The following GABRB3 variants were observed in gnomAD, a reference collection of about 807,000 sequenced individuals.
GABRB3 encodes the protein gamma-aminobutyric acid receptor subunit beta-3.
GABRB3 carries 14 observed loss-of-function variants against 52.1 expected under a neutral mutation model. The observed-to-expected ratio is 0.27, with a 90% CI of 0.18 to 0.42. GABRB3 has a LOEUF of 0.42. Among genes scored for constraint, GABRB3 ranks in the 10% least tolerant of loss-of-function variants. The pLI is 1.00. For missense variants in GABRB3, 307 were observed against 609.1 expected (o/e 0.50, Z 5.22); for synonymous variants, 260 against 232.3 (o/e 1.12, Z -1.08).
At position 26,554,207 on chromosome 15, in the gene GABRB3, A is replaced by ATATATATATATATATATTTATT. The variant is rs1348288306; in HGVS notation, c.1081-6074_1081-6073insAATAAATATATATATATATATA. ...ATATATATACTATATATATATATAT[A>ATATATATATATATATATTTATT]TAGTAGAAACAAGGTCTCTCTTTGT... On this transcript the variant is annotated intron_variant, in intron 8 of 8. Coordinates refer to ENST00000311550, the MANE Select transcript of GABRB3 (RefSeq NM_000814.6). Among the ~76,000 whole-genome samples, 175 of 57,802 alleles carry ATATATATATATATATATTTATT rather than the reference A, an allele frequency of 3.0e-3. 28 individuals carry two copies. The highest frequency in any genetic ancestry group is 6.1e-3 in the Non-Finnish European group (146 of 24,120). The allele number at this position is 57,802 out of a possible 152,430, so 37.9% of individuals were successfully genotyped here.
At chr15:26,576,154 T>C (rs551290892) in intron 6 of GABRB3, among the ~76,000 whole-genome samples, 22 of 152,352 alleles carry the variant, frequency 1.4e-4, no homozygotes, top group African/African-American at 5.3e-4. Flanking sequence ...TTGAAATAAA[T>C]TTAATTCAGT....
At position 26,547,271 on chromosome 15, in the gene GABRB3, G is replaced by C. The variant is rs1889287175; in HGVS notation, c.*522C>G. On this transcript the variant is annotated 3_prime_UTR_variant, in exon 9 of 9. Coordinates refer to ENST00000311550, the MANE Select transcript of GABRB3 (RefSeq NM_000814.6). ...AGCCTTTGCTTACTAAACTGAACGAGAGGATATGAAGTAAGTGACTCATTT... is the reference window on the plus strand; with the variant it reads ...AGCCTTTGCTTACTAAACTGAACGACAGGATATGAAGTAAGTGACTCATTT... 1 of 361,058 alleles carries C rather than the reference G, an allele frequency of 2.8e-6. No homozygotes were observed. The highest frequency in any genetic ancestry group is 2.1e-5 in the African/African-American group (1 of 47,740). 22.4% of individuals were successfully genotyped at this position (361,058 alleles called of 1,614,324 possible).
At chr15:26,735,627 A>G (rs770233885) in intron 3 of GABRB3, among the ~76,000 whole-genome samples, 34 of 152,318 alleles carry the variant, frequency 2.2e-4, no homozygotes, top group Non-Finnish European at 3.2e-4. Context: ...CAATGTGGAT[A>G]AACCTTGAGG....
intron 3 of GABRB3, chr15:26,629,019 T>C: frequency 6.5e-7 from 1 of 1,535,832 alleles, no homozygotes; most frequent in Non-Finnish European, 8.7e-7. Context: ...CACGAGGGAG[T>C]CTCCCGGTAT....
chr15:26,684,528 G>GT (rs540054450), intron 3 of GABRB3, among the ~76,000 whole-genome samples: 74 of 152,300 alleles, frequency 4.9e-4, no homozygotes, highest in Admixed American at 1.3e-3. Context: ...CTTTCGGCCT[G>GT]TTTTGGCTTT....
Position 26,623,790 on chromosome 15 carries a change from T to C in GABRB3, c.241-2256A>G, listed in dbSNP as rs181690436. 6.6e-4 allele frequency among the ~76,000 whole-genome samples: 101 copies of C among 152,128 alleles called. No individual in the cohort carries two copies. The East Asian group carries it at 0.019, about 29-fold the overall frequency. ...CAATTCTGAGCCTGCACACCCCGTG[T>C]CACCCATTCCTTCCCAGCAACCACA... On this transcript the variant is annotated intron_variant, in intron 3 of 8. Coordinates refer to ENST00000311550, the MANE Select transcript of GABRB3 (RefSeq NM_000814.6).
At chr15:26,720,696 T>G (rs1889620332) in intron 3 of GABRB3, among the ~76,000 whole-genome samples, 1 of 152,154 alleles carries the variant, frequency 6.6e-6, no homozygotes, top group African/African-American at 2.4e-5. Flanking sequence ...TATACATGTA[T>G]AGGGCCTTCA....
At chr15:26,688,213 A>G (rs779646915) in intron 3 of GABRB3, among the ~76,000 whole-genome samples, 2 of 152,186 alleles carry the variant, frequency 1.3e-5, no homozygotes, top group Non-Finnish European at 2.9e-5. Context: ...TGGATGGACG[A>G]CTGTGCTGGG....
chr15:26,728,560 T>C (rs1800685438), intron 3 of GABRB3, among the ~76,000 whole-genome samples: 1 of 152,152 alleles, frequency 6.6e-6, no homozygotes, highest in Non-Finnish European at 1.5e-5. Flanking sequence ...GAAAATACCA[T>C]GGATATGGTG....
chr15:26,632,773 T>C (rs1892946135), intron 3 of GABRB3, among the ~76,000 whole-genome samples: 1 of 152,230 alleles, frequency 6.6e-6, no homozygotes, highest in Non-Finnish European at 1.5e-5. Flanking sequence ...TTCTGAGCCT[T>C]AGCAACCTCT....
chr15:26,768,169 A>G (rs1891047514), intron 3 of GABRB3, among the ~76,000 whole-genome samples: 1 of 152,178 alleles, frequency 6.6e-6, no homozygotes. Context: ...AAAAAACAAT[A>G]ATTTATTATT....
chr15:26,567,756 T>G (rs778704767), intron 6 of GABRB3, 23 bp from the exon 7 acceptor site: 9 of 1,612,260 alleles, frequency 5.6e-6, no homozygotes, highest in African/African-American at 1.3e-5. Flanking sequence ...GACAAGGATA[T>G]TACACTGGAG....
intron 3 of GABRB3, among the ~76,000 whole-genome samples, chr15:26,735,427 A>G (rs1331111278): frequency 1.3e-5 from 2 of 152,084 alleles, no homozygotes; most frequent in Admixed American, 1.3e-4. Flanking sequence ...ATCCCACCCA[A>G]AAGAATCGGA....
chr15:26,697,968 T>C (rs1888798104), intron 3 of GABRB3, among the ~76,000 whole-genome samples: 1 of 152,246 alleles, frequency 6.6e-6, no homozygotes, highest in South Asian at 2.1e-4. Flanking sequence ...AGAACTCATC[T>C]GGCATTTCAA....
chr15:26,554,168 TATATAAA>T (rs1889638679), intron 8 of GABRB3, among the ~76,000 whole-genome samples: 3 of 25,058 alleles, frequency 1.2e-4, no homozygotes, highest in African/African-American at 4.9e-4. Context: ...AAAGTATATA[TATATAAA>T]GTATATATAT....
intron 3 of GABRB3, among the ~76,000 whole-genome samples, chr15:26,690,246 T>G (rs912461418): frequency 2.6e-5 from 4 of 151,918 alleles, no homozygotes; most frequent in African/African-American, 9.7e-5. Context: ...CCTAGCTATT[T>G]TTTTAAACTT....
intron 4 of GABRB3, among the ~76,000 whole-genome samples, chr15:26,589,945 A>C (rs1382875735): frequency 6.6e-6 from 1 of 152,182 alleles, no homozygotes; most frequent in Non-Finnish European, 1.5e-5. Flanking sequence ...CCCAAATGTA[A>C]GAGTCAGCGG....
chr15:26,607,598 CA>C (rs1290437024), intron 4 of GABRB3, among the ~76,000 whole-genome samples: 1 of 149,076 alleles, frequency 6.7e-6, no homozygotes, highest in East Asian at 1.9e-4. Flanking sequence ...ACAAACAAAA[CA>C]AAACAAAACA....
rs572621586 is a variant in GABRB3, at chr15:26,718,294, C to T, written c.240+54108G>A. Among the ~76,000 whole-genome samples, 39 of 152,234 alleles carry T rather than the reference C, an allele frequency of 2.6e-4. 2 individuals are homozygous for T. The South Asian group carries it at 7.9e-3, about 31-fold the overall frequency. ...CACGATCTCGGCTCACCGCAACCTC[C>T]GCCTCCCAGGTTCAAGTGATTCTCC... On this transcript the variant is annotated intron_variant, in intron 3 of 8. Transcript: ENST00000311550.
Sources: allele counts gnomAD v4.1 joint callset (sites outside exome capture counted in the v4.1 genomes callset), GRCh38; gene constraint gnomAD v4.1.1; transcripts MANE v1.5; gene names NCBI Gene and HGNC (gene_info 2026-07-23, HGNC 2026-07-21).